The following RBFOX1 variants were observed in gnomAD, a reference collection of about 807,000 sequenced individuals.
RBFOX1 encodes RNA binding protein fox-1 homolog 1.
RBFOX1 carries 8 observed loss-of-function variants against 57.7 expected under a neutral mutation model. The ratio of observed to expected loss-of-function variants is 0.14; its 90% confidence interval spans 0.08 to 0.25. The LOEUF is 0.25. Ranked by LOEUF, RBFOX1 falls within the 10% of genes least tolerant of loss-of-function variation. The probability of loss-of-function intolerance (pLI) is 1.00; values close to 1 mark genes in which losing one functional copy is unlikely to be tolerated. For missense variants in RBFOX1, 611 were observed against 548.5 expected (o/e 1.11, Z -1.14); for synonymous variants, 326 against 222.4 (o/e 1.47, Z -4.15).
chr16:7,679,452 A>T (rs574484362), intron 14 of RBFOX1, among the ~76,000 whole-genome samples: 1 of 152,334 alleles, frequency 6.6e-6, no homozygotes, highest in East Asian at 1.9e-4. Flanking sequence ...TAGGAAGTAA[A>T]ATCAGCAGGC....
chr16:5,682,021 G>T (rs979788541), intron 3 of RBFOX1, among the ~76,000 whole-genome samples: 6 of 152,118 alleles, frequency 3.9e-5, no homozygotes, highest in Non-Finnish European at 8.8e-5. Flanking sequence ...TGAGCCTGGG[G>T]TTGATATTAG....
At chr16:7,234,523 G>C (rs1043701290) in intron 4 of RBFOX1, among the ~76,000 whole-genome samples, 40 of 151,886 alleles carry the variant, frequency 2.6e-4, no homozygotes, top group Non-Finnish European at 5.9e-4. Flanking sequence ...TATAAGCATC[G>C]TGTCCTGGAT....
chr16:5,779,701 A>C (rs1396907263), intron 3 of RBFOX1, among the ~76,000 whole-genome samples: 1 of 152,120 alleles, frequency 6.6e-6, no homozygotes, highest in East Asian at 1.9e-4. Flanking sequence ...TGCACCCCCA[A>C]CCCAAGTGGA....
At chr16:6,258,365 C>T (rs997600518) in intron 1 of RBFOX1, among the ~76,000 whole-genome samples, 1 of 152,198 alleles carries the variant, frequency 6.6e-6, no homozygotes, top group East Asian at 1.9e-4. Flanking sequence ...ATATCATTTA[C>T]TCAAGTTCAT....
chr16:6,712,141 G>C (rs2063817351), intron 3 of RBFOX1, among the ~76,000 whole-genome samples: 1 of 152,196 alleles, frequency 6.6e-6, no homozygotes, highest in South Asian at 2.1e-4. Context: ...ATGAATGAAT[G>C]ATGGAATGTA....
chr16:6,079,524 G>T (rs2095966157), intron 1 of RBFOX1, among the ~76,000 whole-genome samples: 3 of 152,096 alleles, frequency 2.0e-5, no homozygotes, highest in Admixed American at 1.3e-4. Flanking sequence ...AGGTCTTGCT[G>T]TGTTGTCCAG....
chr16:6,546,187 C>T (rs867765241), intron 2 of RBFOX1, among the ~76,000 whole-genome samples: 20 of 152,274 alleles, frequency 1.3e-4, no homozygotes, highest in Admixed American at 7.8e-4. Flanking sequence ...GGCCTAAAAA[C>T]GTATTGTTTG....
chr16:5,991,217 A>G (rs1471454143), intron 4 of RBFOX1, among the ~76,000 whole-genome samples: 1 of 152,144 alleles, frequency 6.6e-6, no homozygotes, highest in Non-Finnish European at 1.5e-5. Context: ...GTTGATTTTC[A>G]TATTCCCCAT....
At chr16:5,638,409 G>C (rs1301098420) in intron 3 of RBFOX1, among the ~76,000 whole-genome samples, 1 of 152,152 alleles carries the variant, frequency 6.6e-6, no homozygotes, top group Non-Finnish European at 1.5e-5. Context: ...CAGGGGGAGG[G>C]CTTCTGGGGA....
chr16:7,619,074 G>A (rs2058905759), intron 10 of RBFOX1, among the ~76,000 whole-genome samples: 1 of 152,090 alleles, frequency 6.6e-6, no homozygotes, highest in South Asian at 2.1e-4. Context: ...AATGCCAACG[G>A]CTGTTATTTT....
intron 4 of RBFOX1, among the ~76,000 whole-genome samples, chr16:7,064,736 T>C (rs1437576783): frequency 6.6e-6 from 1 of 152,174 alleles, no homozygotes. Context: ...AATACATTGC[T>C]ACTAAAATCA....
chr16:7,128,391 G>C (rs1307916874), intron 4 of RBFOX1, among the ~76,000 whole-genome samples: 1 of 152,192 alleles, frequency 6.6e-6, no homozygotes, highest in Non-Finnish European at 1.5e-5. Flanking sequence ...CCAAAGCCTA[G>C]TGGCTTGAAA....
At chr16:6,771,894 T>C (rs1000969461) in intron 3 of RBFOX1, among the ~76,000 whole-genome samples, 16 of 152,102 alleles carry the variant, frequency 1.1e-4, no homozygotes, top group African/African-American at 3.6e-4. Context: ...CATTAGACCT[T>C]TGGTGTTCTT....
chr16:5,338,168 C>T (rs1379956206), intron 1 of RBFOX1, among the ~76,000 whole-genome samples: 1 of 152,176 alleles, frequency 6.6e-6, no homozygotes, highest in African/African-American at 2.4e-5. Context: ...GAGGCACCTG[C>T]TAGGCTGCAA....
intron 2 of RBFOX1, among the ~76,000 whole-genome samples, chr16:6,376,602 A>G (rs760180908): frequency 5.9e-5 from 9 of 152,048 alleles, no homozygotes; most frequent in Non-Finnish European, 1.0e-4. Flanking sequence ...CTATGTGTGT[A>G]TCTCTGTGTC....
At chr16:6,232,111 T>G (rs1477788191) in intron 1 of RBFOX1, among the ~76,000 whole-genome samples, 1 of 152,204 alleles carries the variant, frequency 6.6e-6, no homozygotes, top group Non-Finnish European at 1.5e-5. Flanking sequence ...TGCTGATCCA[T>G]TTCCTTAAAA....
chr16:6,547,795 G>C (rs113010743), intron 2 of RBFOX1, among the ~76,000 whole-genome samples: 2,869 of 151,450 alleles, frequency 0.019, 86 homozygotes, highest in African/African-American at 0.063. Context: ...CTCTCAAAAT[G>C]TCATCTTTCC....
intron 2 of RBFOX1, among the ~76,000 whole-genome samples, chr16:6,485,040 T>G (rs2153105804): frequency 6.6e-6 from 1 of 152,290 alleles, no homozygotes; most frequent in South Asian, 2.1e-4. Context: ...CCAAAGAGTG[T>G]GAGTAAAAGG....
At chr16:7,685,054 G>A (rs1287425946) in intron 14 of RBFOX1, among the ~76,000 whole-genome samples, 2 of 151,994 alleles carry the variant, frequency 1.3e-5, no homozygotes, top group Admixed American at 6.6e-5. Context: ...ACACCATTGG[G>A]CTCACCAGGA....
Sources: gnomAD v4.1 joint callset for allele counts (sites outside exome capture counted in the v4.1 genomes callset) on GRCh38, gnomAD v4.1.1 for gene constraint, MANE v1.5 for transcripts, NCBI Gene and HGNC (gene_info 2026-07-23, HGNC 2026-07-21) for gene names.